The following TNIP1 variants were observed in gnomAD, a reference collection of about 807,000 sequenced individuals.
The protein encoded by TNIP1 is TNFAIP3-interacting protein 1.
Under a neutral mutation model 86.6 loss-of-function variants are expected in TNIP1, and 22 were observed. The observed-to-expected ratio is 0.25, with a 90% CI of 0.18 to 0.36. The LOEUF is 0.36. Among genes scored for constraint, TNIP1 ranks in the 10% least tolerant of loss-of-function variants. TNIP1 has a pLI of 1.00. For synonymous variants in TNIP1, 294 were observed against 313.0 expected (o/e 0.94, Z 0.64); for missense variants, 709 against 820.6 (o/e 0.86, Z 1.66).
At chr5:151,062,066 T>G in intron 4 of TNIP1, 61 bp downstream of exon 4, 1 of 1,439,242 alleles carries the variant, frequency 6.9e-7, no homozygotes, top group Non-Finnish European at 9.7e-7. Flanking sequence ...TTCTTGTATC[T>G]GTCAGTAGGA....
In TNIP1 at chr5:151,063,705, C is replaced by T. The variant is rs774695801; in HGVS notation, c.179G>A (p.Arg60Gln). Reference sequence around the variant, plus strand: ...CTTCACTAGCTCCTCTGCCTTCTGCCGGAGCCTGGTCGCTTCCATCTGGGA... The same window carrying T: ...CTTCACTAGCTCCTCTGCCTTCTGCTGGAGCCTGGTCGCTTCCATCTGGGA... ...EESQMEATRL[R>Q]QKAEELVKDN... The change falls in exon 3 of 18, where the codon CGG (arginine) becomes CAG (glutamine). Residue 60 changes from arginine to glutamine, a missense_variant. Coordinates refer to ENST00000521591, the MANE Select transcript of TNIP1 (RefSeq NM_006058.5). 4.6e-5 allele frequency: 75 copies of T among 1,613,946 alleles called. No homozygotes were observed. The highest frequency in any genetic ancestry group is 5.3e-5 in the Non-Finnish European group (62 of 1,179,998).
intron 1 of TNIP1, among the ~76,000 whole-genome samples, chr5:151,066,939 C>A (rs1762308204): frequency 6.6e-6 from 1 of 152,144 alleles, no homozygotes. Flanking sequence ...AGCATAAGAA[C>A]CAATAAGGAC....
At position 151,056,976 on chromosome 5, in the gene TNIP1, C is replaced by CA; in HGVS notation, c.436-20dup. ...CCAGCGCCTGGAGAGGGAAAGGGCA[C>CA]ACGGCCCACTCTTCACCAAGGCCTG... On this transcript the variant is annotated intron_variant, in intron 5 of 17. Transcript: ENST00000521591. 6.9e-7 allele frequency: 1 copy of CA among 1,446,462 alleles called. No individual in the cohort carries two copies. The highest frequency in any genetic ancestry group is 9.1e-7 in the Non-Finnish European group (1 of 1,096,562). The allele number at this position is 1,446,462 out of a possible 1,614,324, so 89.6% of individuals were successfully genotyped here. A position where few individuals can be genotyped will look rare whatever the true frequency, so the allele number is the denominator to read the frequency against.
chr5:151,048,117 C>T (rs553238824), intron 8 of TNIP1, among the ~76,000 whole-genome samples: 17 of 152,250 alleles, frequency 1.1e-4, no homozygotes, highest in Admixed American at 9.2e-4. Flanking sequence ...GACAGGCCTG[C>T]CCACTTGAAA....
intron 8 of TNIP1, 152 bp from the exon 9 acceptor site, chr5:151,046,102 T>C: frequency 1.5e-6 from 1 of 652,054 alleles, no homozygotes; most frequent in South Asian, 1.7e-5. Flanking sequence ...ACCATCCCAG[T>C]CATGACTACG....
At chr5:151,039,505 C>A (rs934261370) in intron 11 of TNIP1, among the ~76,000 whole-genome samples, 29 of 152,330 alleles carry the variant, frequency 1.9e-4, no homozygotes, top group African/African-American at 6.7e-4. Context: ...GCAGCTGAGA[C>A]CCCTGGCACT....
chr5:151,084,714 G>A (rs1764215616), upstream of TNIP1, among the ~76,000 whole-genome samples: 1 of 152,150 alleles, frequency 6.6e-6, no homozygotes, highest in Admixed American at 6.5e-5. Flanking sequence ...GGCTAGGGGA[G>A]AATGGAACTC....
chr5:151,030,400 G>C lies in TNIP1; in HGVS notation c.*313C>G. 2.0e-6 allele frequency: 1 copy of C among 507,108 alleles called. No homozygotes were observed. Among genetic ancestry groups the C allele is most frequent in the Non-Finnish European group, 3.6e-6 (1 of 277,784 alleles). The allele number at this position is 507,108 out of a possible 1,614,324, so 31.4% of individuals were successfully genotyped here. A position where few individuals can be genotyped will look rare whatever the true frequency, so the allele number is the denominator to read the frequency against. The stretch of plus-strand genomic sequence containing the variant: ...GGGTCTTGGCTGCCTCCCACTCTTA[G>C]GATTGCTGCTCCTGGAGGCTTCTGC... On this transcript the variant is annotated 3_prime_UTR_variant, in exon 18 of 18. Transcript: ENST00000521591.
In TNIP1 at chr5:151,062,202, T is replaced by G. The variant is rs372038140; in HGVS notation, c.282A>C (p.Ser94=). The change falls in exon 4 of 18, where the codon TCA becomes TCC. Residue 94 remains serine (S), a synonymous_variant. Transcript: ENST00000521591. ...GGGCTGTGGGAGATGCTGTGACATT[T>G]GAGTCCTTTCCTGGAGAATCAAGAA... ...DPLAELTGKD[S]NVTASPTAPA... 33 of 1,613,970 alleles carry G rather than the reference T, an allele frequency of 2.0e-5. No individual in the cohort carries two copies. Among genetic ancestry groups the G allele is most frequent in the Non-Finnish European group, 2.8e-5 (33 of 1,179,998 alleles).
At chr5:151,042,758 TCCAACACTGCCC>T in intron 10 of TNIP1, 87 bp from the exon 11 acceptor site, 1 of 1,597,324 alleles carries the variant, frequency 6.3e-7, no homozygotes, top group Non-Finnish European at 8.5e-7. Flanking sequence ...CCCTGGGCCC[TCCAACACTGCCC>T]CCAACTTCTC....
Position 151,033,689 on chromosome 5 carries a change from G to C in TNIP1, c.1698C>G (p.Asp566Glu), listed in dbSNP as rs752544824. 1.1e-5 allele frequency: 15 copies of C among 1,352,810 alleles called. No homozygotes were observed. In the East Asian group the frequency reaches 3.9e-4, roughly 35 times the overall value. 83.8% of individuals were successfully genotyped at this position (1,352,810 alleles called of 1,614,324 possible). A position where few individuals can be genotyped will look rare whatever the true frequency, so the allele number is the denominator to read the frequency against. ...PAMVPHHGFE[D>E]WSQIRYPPPP... ...GAGGGGGGTAGCGGATCTGGGACCA[G>C]TCCTCGAAGCCATGGTGTGGCACCA... Residue 566 changes from aspartate to glutamate, a missense_variant, in exon 16 of 18, where the codon GAC becomes GAG. By Grantham distance (45) the Asp-to-Glu change is conservative. Transcript: ENST00000521591.
intron 1 of TNIP1, among the ~76,000 whole-genome samples, chr5:151,071,454 G>A (rs1762822253): frequency 6.6e-6 from 1 of 152,080 alleles, no homozygotes; most frequent in Admixed American, 6.5e-5. Flanking sequence ...GGGTTGTGCG[G>A]GATAATCATT....
At chr5:151,034,916 C>T (rs780210991) in intron 15 of TNIP1, 86 bp downstream of exon 15, 196 of 1,487,500 alleles carry the variant, frequency 1.3e-4, no homozygotes, top group Middle Eastern at 1.8e-4. Flanking sequence ...TCCCCACGCC[C>T]GAGCACACAC....
chr5:151,062,880 T>A (rs542567400), intron 3 of TNIP1, among the ~76,000 whole-genome samples: 1 of 152,230 alleles, frequency 6.6e-6, no homozygotes, highest in African/African-American at 2.4e-5. Context: ...CACCAGCCAA[T>A]AGAAGGCTGT....
rs553375805 is a variant in TNIP1 at position 151,067,361 on chromosome 5, C to T, written c.-36-2230G>A. ...TGGTACAGCATGTGTCTGACTGGTGCGGGCATTGCCCATCTGGCTGGGAAC... is the reference window on the plus strand; with the variant it reads ...TGGTACAGCATGTGTCTGACTGGTGTGGGCATTGCCCATCTGGCTGGGAAC... On this transcript the variant is annotated intron_variant, in intron 1 of 17. Coordinates refer to ENST00000521591, the MANE Select transcript of TNIP1 (RefSeq NM_006058.5). 6.6e-5 allele frequency among the ~76,000 whole-genome samples: 10 copies of T among 152,334 alleles called. No individual in the cohort carries two copies. The South Asian group carries it at 1.4e-3, about 22-fold the overall frequency.
intron 1 of TNIP1, among the ~76,000 whole-genome samples, chr5:151,074,133 G>A (rs1224404722): frequency 1.3e-5 from 2 of 152,184 alleles, no homozygotes; most frequent in African/African-American, 4.8e-5. Flanking sequence ...GGAGAGAGAA[G>A]ACAACTGTCA....
chr5:151,034,415 CG>C, intron 15 of TNIP1: 1 of 232,804 alleles, frequency 4.3e-6, no homozygotes, highest in Non-Finnish European at 7.8e-6. Flanking sequence ...TACATGGGCA[CG>C]GAAGGCTGGG....
rs1759163435 is a variant in TNIP1 at position 151,046,331 on chromosome 5, T to C, written c.847-381A>G. The C allele has an allele frequency of 1.6e-5, 3 of 183,472 alleles. No individual in the cohort carries two copies. The South Asian group carries it at 3.6e-4, about 22-fold the overall frequency. 11.4% of individuals were successfully genotyped at this position (183,472 alleles called of 1,614,324 possible). A position where few individuals can be genotyped will look rare whatever the true frequency, so the allele number is the denominator to read the frequency against. On this transcript the variant is annotated intron_variant, in intron 8 of 17. Transcript: ENST00000521591. ...CATTTGAGATGTAGATACAGACAGA[T>C]ATAGATATAGATATACTCATTCTAT...
intron 1 of TNIP1, among the ~76,000 whole-genome samples, chr5:151,074,381 G>A (rs1377029163): frequency 6.6e-6 from 1 of 152,196 alleles, no homozygotes; most frequent in Non-Finnish European, 1.5e-5. Flanking sequence ...CAAGAGGTAA[G>A]ATGCCAATTT....
Sources: allele counts gnomAD v4.1 joint callset (sites outside exome capture counted in the v4.1 genomes callset), GRCh38; gene constraint gnomAD v4.1.1; transcripts MANE v1.5; gene names NCBI Gene and HGNC (gene_info 2026-07-23, HGNC 2026-07-21).